The following PRKCA variants were observed in gnomAD, a reference collection of about 807,000 sequenced individuals.
PRKCA encodes protein kinase C alpha type.
PRKCA carries 27 observed loss-of-function variants against 87.0 expected under a neutral mutation model. The observed-to-expected ratio is 0.31, with a 90% CI of 0.23 to 0.43. The LOEUF is 0.43. PRKCA is among the 20% of genes least tolerant of loss of function. The probability of loss-of-function intolerance (pLI) is 1.00; values close to 1 mark genes in which losing one functional copy is unlikely to be tolerated. For missense variants in PRKCA, 518 were observed against 852.3 expected (o/e 0.61, Z 4.88); for synonymous variants, 329 against 311.1 (o/e 1.06, Z -0.61).
chr17:66,504,535 T>C (rs551437493), intron 3 of PRKCA, among the ~76,000 whole-genome samples: 3 of 150,766 alleles, frequency 2.0e-5, no homozygotes, highest in Non-Finnish European at 4.4e-5. Context: ...GAGGTTGCAG[T>C]GAGCCAAGAT....
chr17:66,319,918 A>G (rs1018024405), intron 2 of PRKCA, among the ~76,000 whole-genome samples: 2 of 151,804 alleles, frequency 1.3e-5, no homozygotes, highest in Non-Finnish European at 2.9e-5. Flanking sequence ...ATTTTTTTGT[A>G]TTTTTAGTAG....
intron 3 of PRKCA, among the ~76,000 whole-genome samples, chr17:66,629,514 C>G (rs762691905): frequency 6.6e-6 from 1 of 152,124 alleles, no homozygotes; most frequent in Non-Finnish European, 1.5e-5. Flanking sequence ...CTGATTTGTT[C>G]TCAGTCGTAC....
intron 2 of PRKCA, among the ~76,000 whole-genome samples, chr17:66,370,205 C>T (rs576367389): frequency 4.4e-4 from 65 of 147,884 alleles, no homozygotes; most frequent in African/African-American, 6.2e-4. Flanking sequence ...TTGAATGAAG[C>T]GATAAATAAA....
chr17:66,774,517 C>T, intron 14 of PRKCA: 1 of 696,932 alleles, frequency 1.4e-6, no homozygotes, highest in Non-Finnish European at 1.8e-6. Context: ...GCTACTTGAG[C>T]TACTGAGGCA....
At chr17:66,536,469 A>G (rs1321508514) in intron 3 of PRKCA, among the ~76,000 whole-genome samples, 1 of 152,260 alleles carries the variant, frequency 6.6e-6, no homozygotes, top group African/African-American at 2.4e-5. Context: ...GAAAAGAAGG[A>G]TAATGCAGAT....
intron 5 of PRKCA, among the ~76,000 whole-genome samples, chr17:66,660,913 A>AT (rs1971879215): frequency 6.6e-6 from 1 of 151,934 alleles, no homozygotes; most frequent in Non-Finnish European, 1.5e-5. Context: ...TGTCTTAAAA[A>AT]TAAATTAATT....
chr17:66,428,254 T>G (rs1332901376), intron 2 of PRKCA, among the ~76,000 whole-genome samples: 1 of 152,146 alleles, frequency 6.6e-6, no homozygotes, highest in African/African-American at 2.4e-5. Flanking sequence ...GATGTGTGAT[T>G]AGAGAAGGTC....
At chr17:66,781,887 A>ATATATATATAGT (rs767300220) in intron 14 of PRKCA, among the ~76,000 whole-genome samples, 2 of 125,546 alleles carry the variant, frequency 1.6e-5, no homozygotes, top group African/African-American at 6.3e-5. Flanking sequence ...ATATATATAT[A>ATATATATATAGT]GTGTGTGTGT....
intron 2 of PRKCA, among the ~76,000 whole-genome samples, chr17:66,492,815 G>A (rs1916302568): frequency 6.6e-6 from 1 of 152,244 alleles, no homozygotes; most frequent in South Asian, 2.1e-4. Flanking sequence ...TTCTCTCAGG[G>A]CTTGTAGGAG....
At chr17:66,485,423 G>A (rs1007598185) in intron 2 of PRKCA, among the ~76,000 whole-genome samples, 2 of 152,096 alleles carry the variant, frequency 1.3e-5, no homozygotes, top group African/African-American at 4.8e-5. Context: ...CTGTCCTAAC[G>A]TGCTGAGTGC....
intron 3 of PRKCA, among the ~76,000 whole-genome samples, chr17:66,634,694 AAGAC>A (rs2143765476): frequency 6.6e-6 from 1 of 152,332 alleles, no homozygotes; most frequent in African/African-American, 2.4e-5. Flanking sequence ...AGAGGATACA[AAGAC>A]AGACTTCTGC....
chr17:66,604,320 T>C (rs1303521412), intron 3 of PRKCA, among the ~76,000 whole-genome samples: 2 of 152,136 alleles, frequency 1.3e-5, no homozygotes, highest in African/African-American at 4.8e-5. Context: ...TTTATGCAAA[T>C]CCCAGATTAG....
chr17:66,645,420 T>C lies in PRKCA; in HGVS notation c.438T>C (p.Asn146=), dbSNP rs757856798. The C allele has an allele frequency of 1.2e-6, 2 of 1,614,094 alleles. No homozygotes were observed. Among genetic ancestry groups the C allele is most frequent in the South Asian group, 2.2e-5 (2 of 91,092 alleles). The change falls in exon 5 of 17, where the codon AAT becomes AAC. Residue 146 remains asparagine (N), a synonymous_variant. Transcript: ENST00000413366. The part of the protein sequence containing the change: ...DMNVHKQCVI[N]VPSLCGMDHT... The stretch of plus-strand genomic sequence containing the variant: ...ACGTTCACAAGCAATGCGTCATCAA[T>C]GTCCCCAGCCTCTGCGGAATGGATC...
At chr17:66,500,974 A>G (rs1435356686) in intron 3 of PRKCA, among the ~76,000 whole-genome samples, 1 of 149,974 alleles carries the variant, frequency 6.7e-6, no homozygotes, top group East Asian at 1.9e-4. Flanking sequence ...TTTTTTTCGT[A>G]CCATGGAGAA....
chr17:66,617,872 A>G (rs1292379750), intron 3 of PRKCA, among the ~76,000 whole-genome samples: 2 of 152,068 alleles, frequency 1.3e-5, no homozygotes, highest in Non-Finnish European at 2.9e-5. Context: ...CAAGATTGAG[A>G]GTTTTGTCAG....
At chr17:66,754,327 A>T (rs1447019670) in intron 13 of PRKCA, among the ~76,000 whole-genome samples, 2 of 152,172 alleles carry the variant, frequency 1.3e-5, no homozygotes, top group Middle Eastern at 3.4e-3. Flanking sequence ...ACCATCTCAG[A>T]TGTCTTTGTC....
rs116754731 is a variant in PRKCA at position 66,783,491 on chromosome 17, G to A, written c.1606-3376G>A. On this transcript the variant is annotated intron_variant, in intron 14 of 16. Transcript: ENST00000413366. Reference sequence around the variant, plus strand: ...AAGTCCTCCTTTCATCTATAGAATCGAATCCCTGATACAGCCATTCACCTT... The same window carrying A: ...AAGTCCTCCTTTCATCTATAGAATCAAATCCCTGATACAGCCATTCACCTT... Among the ~76,000 whole-genome samples, 320 of 152,188 alleles carry A rather than the reference G, an allele frequency of 2.1e-3. 1 individual carries two copies. Among genetic ancestry groups the A allele is most frequent in the African/African-American group, 7.6e-3 (314 of 41,516 alleles).
At chr17:66,801,502 T>G (rs113515254) in intron 16 of PRKCA, among the ~76,000 whole-genome samples, 2 of 152,360 alleles carry the variant, frequency 1.3e-5, no homozygotes, top group African/African-American at 4.8e-5. Context: ...GGTTTCTGTT[T>G]GTTTAACTGA....
At chr17:66,539,688 C>T (rs1317267628) in intron 3 of PRKCA, among the ~76,000 whole-genome samples, 1 of 152,170 alleles carries the variant, frequency 6.6e-6, no homozygotes, top group Non-Finnish European at 1.5e-5. Context: ...CAGGCGTAAG[C>T]ACCGCGCCCG....
Sources: allele counts gnomAD v4.1 joint callset (sites outside exome capture counted in the v4.1 genomes callset), GRCh38; gene constraint gnomAD v4.1.1; transcripts MANE v1.5; gene names NCBI Gene and HGNC (gene_info 2026-07-23, HGNC 2026-07-21).